Variants in DOP1B observed in about 807,000 individuals in gnomAD.
The protein encoded by DOP1B is protein DOP1B.
Under a neutral mutation model 233.5 loss-of-function variants are expected in DOP1B, and 174 were observed. That is an observed-to-expected ratio of 0.75 (90% CI 0.66 to 0.85). The LOEUF (loss-of-function observed/expected upper bound fraction) is 0.85. DOP1B is among the 40% of genes least tolerant of loss of function. The pLI, the probability that DOP1B is intolerant of heterozygous loss-of-function variation, is 0.00. For missense variants in DOP1B, 2,652 were observed against 2,846.6 expected, an observed-to-expected ratio of 0.93 and a Z score of 1.56; for synonymous variants, 1,190 against 1,185.6, an observed-to-expected ratio of 1.00 and a Z score of -0.08.
At chr21:36,180,263 T>A (rs918121591) in intron 2 of DOP1B, among the ~76,000 whole-genome samples, 1 of 152,218 alleles carries the variant, frequency 6.6e-6, no homozygotes, top group Middle Eastern at 3.2e-3. Flanking sequence ...GTAGTTTCCA[T>A]CATTCATTAA....
intron 2 of DOP1B, among the ~76,000 whole-genome samples, chr21:36,184,327 G>A (rs749460870): frequency 1.7e-4 from 26 of 152,146 alleles, no homozygotes; most frequent in Non-Finnish European, 3.5e-4. Context: ...GCGATTACAG[G>A]TGTGAGCCAC....
intron 15 of DOP1B, among the ~76,000 whole-genome samples, chr21:36,236,773 TTTTC>T (rs2066831937): frequency 8.8e-6 from 1 of 113,608 alleles, no homozygotes; most frequent in South Asian, 3.3e-4. Context: ...TTCTTTTTCT[TTTTC>T]TTTTTTTTTT....
At chr21:36,286,990 ATACTAATG>A (rs937205443) in intron 32 of DOP1B, among the ~76,000 whole-genome samples, 5 of 152,034 alleles carry the variant, frequency 3.3e-5, no homozygotes, top group East Asian at 1.9e-4. Context: ...TATTACTAAT[ATACTAATG>A]TACTAATGTA....
At position 36,245,986 on chromosome 21, in the gene DOP1B, C is replaced by T. The variant is rs765644128; in HGVS notation, c.4006C>T (p.Arg1336Ter). The T allele has an allele frequency of 5.6e-6, 9 of 1,614,066 alleles. No individual in the cohort carries two copies. Among genetic ancestry groups the T allele is most frequent in the Non-Finnish European group, 6.8e-6 (8 of 1,180,010 alleles). Residue 1336 changes from arginine to a stop codon, truncating the protein, a stop_gained, in exon 19 of 37, where the codon CGA becomes TGA. Transcript: ENST00000691173. LOFTEE classifies it high-confidence loss of function. This position sits in a 1 kb window ranked among gnomAD's most constrained non-coding sequence, Gnocchi z 5.5. ...YYPCYLKVSH[R>*]DILGNRDVQV... ...CCCTTGCTATTTGAAGGTCTCGCACCGAGACATTCTCGGCAACCGGGACGT... is the reference window on the plus strand; with the variant it reads ...CCCTTGCTATTTGAAGGTCTCGCACTGAGACATTCTCGGCAACCGGGACGT...
At position 36,208,688 on chromosome 21, in the gene DOP1B, T is replaced by G. The variant is rs988972507; in HGVS notation, c.492-27T>G. 6 of 1,606,146 alleles carry G rather than the reference T, an allele frequency of 3.7e-6. No individual in the cohort carries two copies. In the South Asian group the frequency reaches 6.6e-5, roughly 18 times the overall value. On this transcript the variant is annotated intron_variant, in intron 4 of 36. Coordinates refer to ENST00000691173, the MANE Select transcript of DOP1B (RefSeq NM_001320714.2). ...GGACTCGGGAAGATGGGGCGAGCCC[T>G]TGAACCCTATCCTCTCTCATCAACA...
chr21:36,214,334 G>T (rs2123501873), intron 8 of DOP1B, 108 bp from the exon 9 acceptor site: 2 of 1,301,824 alleles, frequency 1.5e-6, no homozygotes. Flanking sequence ...CATGCTGGGT[G>T]ACTGGTTTTC....
intron 14 of DOP1B, among the ~76,000 whole-genome samples, chr21:36,231,419 A>G (rs902323880): frequency 7.9e-5 from 12 of 152,188 alleles, no homozygotes; most frequent in Admixed American, 2.0e-4. Flanking sequence ...TTCTCAACCT[A>G]TATTTAAAGA....
chr21:36,227,211 AAAAT>A (rs563066977), intron 12 of DOP1B, among the ~76,000 whole-genome samples: 7 of 150,462 alleles, frequency 4.7e-5, no homozygotes, highest in Admixed American at 6.7e-5. Context: ...TCATCTCAAA[AAAAT>A]AAATAAATAA....
intron 1 of DOP1B, among the ~76,000 whole-genome samples, chr21:36,157,941 G>A (rs1568989866): frequency 1.3e-5 from 2 of 151,778 alleles, no homozygotes; most frequent in African/African-American, 4.8e-5. Context: ...TCTTGAACTT[G>A]TTTTTTTCTT....
chr21:36,211,701 G>A, intron 6 of DOP1B, 50 bp downstream of exon 6: 1 of 1,572,512 alleles, frequency 6.4e-7, no homozygotes, highest in Non-Finnish European at 8.7e-7. Flanking sequence ...CCCAAGGGGT[G>A]GGATATAGAT....
chr21:36,257,948 TGTAGGTAGATGTAGGTAG>T (rs1205070845), intron 23 of DOP1B, among the ~76,000 whole-genome samples: 6,562 of 103,362 alleles, frequency 0.063, 518 homozygotes, highest in African/African-American at 0.21. Flanking sequence ...GGGAGATAGA[TGTAGGTAGATGTAGGTAG>T]GTAGGTAGAT....
chr21:36,247,398 T>G (rs1400266737), intron 19 of DOP1B, 119 bp from the exon 20 acceptor site: 3 of 524,930 alleles, frequency 5.7e-6, no homozygotes, highest in Non-Finnish European at 9.8e-6. Flanking sequence ...TGACGAGAGC[T>G]CCAGTTTATT....
intron 14 of DOP1B, among the ~76,000 whole-genome samples, chr21:36,231,811 G>A (rs1479144741): frequency 6.6e-6 from 1 of 150,748 alleles, no homozygotes; most frequent in Non-Finnish European, 1.5e-5. Context: ...CCCAGTAGCT[G>A]GGACTACAGG....
intron 2 of DOP1B, among the ~76,000 whole-genome samples, chr21:36,193,011 G>T (rs1321668558): frequency 3.3e-5 from 5 of 152,080 alleles, no homozygotes; most frequent in Non-Finnish European, 7.4e-5. Context: ...TTAGAACAAG[G>T]AAATTCATAC....
At chr21:36,265,494 G>A (rs1168381902) in intron 26 of DOP1B, among the ~76,000 whole-genome samples, 4 of 152,200 alleles carry the variant, frequency 2.6e-5, no homozygotes, top group Non-Finnish European at 5.9e-5. Flanking sequence ...AGAAGAAAAC[G>A]TTACAATGCC....
chr21:36,193,726 C>G (rs943051899), intron 2 of DOP1B, among the ~76,000 whole-genome samples: 1 of 152,106 alleles, frequency 6.6e-6, no homozygotes, highest in African/African-American at 2.4e-5. Context: ...GGAAAAGTCT[C>G]GTAAGGTGGA....
chr21:36,274,038 G>A lies in DOP1B; in HGVS notation c.5633-2983G>A, dbSNP rs141199177. ...GGTTGCAGTGAGCCGAGATCGCGCC[G>A]CTCCACTCCAGCCTAGGCAACAGAG... is the stretch of plus-strand genomic sequence containing the variant. On this transcript the variant is annotated intron_variant, in intron 27 of 36. Coordinates refer to ENST00000691173, the MANE Select transcript of DOP1B (RefSeq NM_001320714.2). Among the ~76,000 whole-genome samples, 470 of 151,946 alleles carry A rather than the reference G, an allele frequency of 3.1e-3. 14 individuals carry two copies. Among genetic ancestry groups the A allele is most frequent in the Admixed American group, 0.027 (409 of 15,234 alleles).
intron 2 of DOP1B, among the ~76,000 whole-genome samples, chr21:36,180,270 T>G (rs1045653551): frequency 6.6e-6 from 1 of 152,220 alleles, no homozygotes; most frequent in Non-Finnish European, 1.5e-5. Context: ...CCATCATTCA[T>G]TAAAATGTAC....
At chr21:36,278,656 C>G (rs1186107287) in intron 30 of DOP1B, among the ~76,000 whole-genome samples, 1 of 152,010 alleles carries the variant, frequency 6.6e-6, no homozygotes, top group African/African-American at 2.4e-5. Flanking sequence ...TCACCTGAGC[C>G]CAGGAGTTCG....
Sources: gnomAD v4.1 joint callset for allele counts (sites outside exome capture counted in the v4.1 genomes callset) on GRCh38, gnomAD v4.1.1 for gene constraint, Gnocchi (gnomAD v3.1) non-coding constraint, MANE v1.5 for transcripts, NCBI Gene and HGNC (gene_info 2026-07-23, HGNC 2026-07-21) for gene names.